Variants in SLC6A9 observed in about 807,000 individuals in gnomAD.
SLC6A9 encodes solute carrier family 6 member 9, also known as sodium- and chloride-dependent glycine transporter 1.
A neutral mutation model predicts 70.9 loss-of-function variants in SLC6A9; 31 were observed. The ratio of observed to expected loss-of-function variants is 0.44; its 90% CI spans 0.33 to 0.59. SLC6A9 has a LOEUF of 0.59. Ranked by LOEUF, SLC6A9 falls within the 20% of genes least tolerant of loss-of-function variation. The probability of loss-of-function intolerance (pLI) is 0.04; values close to 1 mark genes in which losing one functional copy is unlikely to be tolerated. For synonymous variants in SLC6A9, 310 were observed against 341.3 expected (o/e 0.91, Z 1.01); for missense variants, 631 against 845.2 (o/e 0.75, Z 3.14).
intron 2 of SLC6A9, among the ~76,000 whole-genome samples, chr1:44,014,050 T>C (rs1351436827): frequency 1.3e-5 from 2 of 152,154 alleles, no homozygotes; most frequent in Non-Finnish European, 2.9e-5. Flanking sequence ...TGACTCAGAC[T>C]GGCTGCCCGT....
rs540166721 is a variant in SLC6A9, at chr1:44,018,130, A to G, written c.30+6118T>C. Among the ~76,000 whole-genome samples, 11 of 152,274 alleles carry G rather than the reference A, an allele frequency of 7.2e-5. No homozygotes were observed. The highest frequency in any genetic ancestry group is 2.0e-4 in the Admixed American group (3 of 15,298). ...CAGGAATGTGTCAGGCCCTTTGGAA[A>G]CTGGTCAGTCAGCAGAAGGCCTGGC... is the stretch of plus-strand genomic sequence containing the variant. On this transcript the variant is annotated intron_variant, in intron 2 of 13. Transcript: ENST00000372310. This position sits in a 1 kb window ranked among gnomAD's most constrained non-coding sequence, Gnocchi z 4.2.
rs760267775 is a variant in SLC6A9, at chr1:44,017,106, T to C, written c.31-6224A>G. 11 of 1,605,524 alleles carry C rather than the reference T, an allele frequency of 6.9e-6. No homozygotes were observed. In the East Asian group the frequency reaches 2.3e-4, roughly 33 times the overall value. On this transcript the variant is annotated intron_variant, in intron 2 of 13. Coordinates refer to ENST00000372310, the MANE Select transcript of SLC6A9 (RefSeq NM_001024845.3). ...GCCGCGGCCATCCTGGGGCGAGCGA[T>C]CGCAGCCCGCGTGTCTCCGCCGCTC...
Position 44,002,665 on chromosome 1 carries a change from A to G in SLC6A9, c.724-19T>C, listed in dbSNP as rs1369221083. 6.2e-7 allele frequency: 1 copy of G among 1,613,458 alleles called. No homozygotes were observed. The highest frequency in any genetic ancestry group is 8.5e-7 in the Non-Finnish European group (1 of 1,179,474). On this transcript the variant is annotated intron_variant, in intron 6 of 13. Coordinates refer to ENST00000372310, the MANE Select transcript of SLC6A9 (RefSeq NM_001024845.3). This position sits in a 1 kb window ranked among gnomAD's most constrained non-coding sequence, Gnocchi z 5.5. ...ACACCACCTGGCACAAGAGGGCTCCATGGACTCTTCTGGGCTCTCCCCTCC... is the reference window on the plus strand; with the variant it reads ...ACACCACCTGGCACAAGAGGGCTCCGTGGACTCTTCTGGGCTCTCCCCTCC...
At chr1:44,025,740 C>T (rs1157847194) in intron 1 of SLC6A9, among the ~76,000 whole-genome samples, 1 of 150,890 alleles carries the variant, frequency 6.6e-6, no homozygotes, top group Non-Finnish European at 1.5e-5. Context: ...GCAGAGGTTG[C>T]AGTGAGCCGA....
chr1:44,018,916 T>C lies in SLC6A9; in HGVS notation c.30+5332A>G, dbSNP rs2086829669. Among the ~76,000 whole-genome samples the C allele has an allele frequency of 6.6e-6, 1 of 152,142 alleles. No individual in the cohort carries two copies. Among genetic ancestry groups the C allele is most frequent in the Non-Finnish European group, 1.5e-5 (1 of 68,020 alleles). On this transcript the variant is annotated intron_variant, in intron 2 of 13. Coordinates refer to ENST00000372310, the MANE Select transcript of SLC6A9 (RefSeq NM_001024845.3). This position sits in a 1 kb window ranked among gnomAD's most constrained non-coding sequence, Gnocchi z 4.2. ...CTGCACTCCAAACTGGGTGACAAAG[T>C]GAGACCTTGTTTCAAAAAATTAATA...
In SLC6A9 at chr1:43,997,662, G is replaced by C. The variant is rs2085919887; in HGVS notation, c.1785C>G (p.Pro595=). ...LLEHRTGRYA[P]TIAPSPEDGF... The stretch of plus-strand genomic sequence containing the variant: ...CGTCCTCAGGAGAGGGGGCTATGGT[G>C]GGGGCGTAGCGCCCTGTCCGGTGCT... Residue 595 remains proline (P), a synonymous_variant, in exon 14 of 14, where the codon CCC becomes CCG. Coordinates refer to ENST00000372310, the MANE Select transcript of SLC6A9 (RefSeq NM_001024845.3). This position sits in a 1 kb window ranked among gnomAD's most constrained non-coding sequence, Gnocchi z 4.4. The C allele has an allele frequency of 2.5e-6, 4 of 1,613,890 alleles. No individual in the cohort carries two copies. The highest frequency in any genetic ancestry group is 3.4e-6 in the Non-Finnish European group (4 of 1,179,870).
intron 12 of SLC6A9, among the ~76,000 whole-genome samples, chr1:43,999,812 C>T (rs932083081): frequency 1.2e-4 from 18 of 152,186 alleles, no homozygotes; most frequent in Admixed American, 3.9e-4. Context: ...GAACACTGGC[C>T]GGGCCACTGG....
At position 44,013,908 on chromosome 1, in the gene SLC6A9, A is replaced by G. The variant is rs946567260; in HGVS notation, c.31-3026T>C. ...TATGGCTTTTTTTCTCCCTCCTTGC[A>G]TAATCTTTCCTATTCTAAGCCTCTA... On this transcript the variant is annotated intron_variant, in intron 2 of 13. Transcript: ENST00000372310. The surrounding 1 kb of genome is among the most constrained non-coding windows in gnomAD (Gnocchi z 5.3). Among the ~76,000 whole-genome samples the G allele has an allele frequency of 6.6e-6, 1 of 151,932 alleles. No individual in the cohort carries two copies. The highest frequency in any genetic ancestry group is 1.5e-5 in the Non-Finnish European group (1 of 68,004).
intron 3 of SLC6A9, 31 bp from the exon 4 acceptor site, chr1:44,010,127 G>A (rs2154305901): frequency 1.2e-6 from 2 of 1,612,478 alleles, no homozygotes; most frequent in East Asian, 4.5e-5. Context: ...TGGCTCAGGA[G>A]TGGGCTTGGA....
At chr1:44,025,026 C>G (rs1227976700) in intron 1 of SLC6A9, among the ~76,000 whole-genome samples, 1 of 152,186 alleles carries the variant, frequency 6.6e-6, no homozygotes, top group Non-Finnish European at 1.5e-5. Flanking sequence ...GTTGCTTCCT[C>G]CTTTCTGTTT....
chr1:43,999,413 T>C (rs1317002670), intron 12 of SLC6A9, among the ~76,000 whole-genome samples: 1 of 151,794 alleles, frequency 6.6e-6, no homozygotes, highest in African/African-American at 2.4e-5. Context: ...CAGATCCTTC[T>C]TGTGCTTGTC....
Position 43,997,553 on chromosome 1 carries a change from G to C in SLC6A9, c.1894C>G (p.Arg632Gly), listed in dbSNP as rs2286246. The C allele has an allele frequency of 6.2e-7, 1 of 1,613,208 alleles. No homozygotes were observed. The highest frequency in any genetic ancestry group is 1.7e-5 in the Admixed American group (1 of 59,990). Residue 632 changes from arginine (R) to glycine (G), a missense_variant, in exon 14 of 14, where the codon CGG (arginine) becomes GGG (glycine). By Grantham distance (125) the Arg-to-Gly change is moderately radical. Transcript: ENST00000372310. The surrounding 1 kb of genome is among the most constrained non-coding windows in gnomAD (Gnocchi z 4.4). ...SNGSSRLQDS[R>G]I ...TCCCCTGGCAGCTGTGCTCATATCC[G>C]GGAGTCCTGGAGGCGGCTGGAGCCA...
intron 5 of SLC6A9, among the ~76,000 whole-genome samples, chr1:44,006,123 A>C (rs1322075341): frequency 6.6e-6 from 1 of 152,178 alleles, no homozygotes; most frequent in Non-Finnish European, 1.5e-5. Context: ...AGAAAGGTTC[A>C]TCACCCCAGA....
At chr1:44,020,345 G>A (rs898076499) in intron 2 of SLC6A9, among the ~76,000 whole-genome samples, 4 of 152,184 alleles carry the variant, frequency 2.6e-5, no homozygotes, top group South Asian at 2.1e-4. Flanking sequence ...TCAGCCCCAG[G>A]TGGGGAGCCC....
intron 1 of SLC6A9, among the ~76,000 whole-genome samples, chr1:44,027,520 C>T (rs946815577): frequency 4.6e-5 from 7 of 152,144 alleles, no homozygotes; most frequent in Non-Finnish European, 1.0e-4. Context: ...GCTTAGCAGG[C>T]GTTTAAGGCT....
rs566947827 is a variant in SLC6A9, at chr1:44,003,931, G to A, written c.591-946C>T. Among the ~76,000 whole-genome samples, 24 of 152,044 alleles carry A rather than the reference G, an allele frequency of 1.6e-4. 1 individual carries two copies. Among genetic ancestry groups the A allele is most frequent in the Non-Finnish European group, 3.2e-4 (22 of 68,016 alleles). ...GCATCTCCCCAGCCCTCAGGGAAGA[G>A]GGCAAAGAACAACTGCTCTACCTCC... On this transcript the variant is annotated intron_variant, in intron 5 of 13. Transcript: ENST00000372310.
chr1:44,025,412 G>A (rs1190143868), intron 1 of SLC6A9, among the ~76,000 whole-genome samples: 2 of 151,762 alleles, frequency 1.3e-5, no homozygotes, highest in South Asian at 2.1e-4. Context: ...GACAGGCCTC[G>A]GGAGAAATCC....
At position 44,018,155 on chromosome 1, in the gene SLC6A9, C is replaced by A. The variant is rs1330881871; in HGVS notation, c.30+6093G>T. On this transcript the variant is annotated intron_variant, in intron 2 of 13. Transcript: ENST00000372310. This position sits in a 1 kb window ranked among gnomAD's most constrained non-coding sequence, Gnocchi z 4.2. Reference sequence around the variant, plus strand: ...ACTGGTCAGTCAGCAGAAGGCCTGGCTTACCACAGGACCTCAGGAAATATC... The same window carrying A: ...ACTGGTCAGTCAGCAGAAGGCCTGGATTACCACAGGACCTCAGGAAATATC... Among the ~76,000 whole-genome samples the A allele has an allele frequency of 6.6e-6, 1 of 152,190 alleles. No individual in the cohort carries two copies. The highest frequency in any genetic ancestry group is 1.5e-5 in the Non-Finnish European group (1 of 68,036).
chr1:44,002,446 T>C lies in SLC6A9; in HGVS notation c.859-30A>G. 1 of 1,612,858 alleles carries C rather than the reference T, an allele frequency of 6.2e-7. No homozygotes were observed. Among genetic ancestry groups the C allele is most frequent in the Non-Finnish European group, 8.5e-7 (1 of 1,178,912 alleles). On this transcript the variant is annotated intron_variant, in intron 7 of 13. Coordinates refer to ENST00000372310, the MANE Select transcript of SLC6A9 (RefSeq NM_001024845.3). This position sits in a 1 kb window ranked among gnomAD's most constrained non-coding sequence, Gnocchi z 5.5. ...AGGGAAGGACCGGTGGGTGAGGAGC[T>C]GTGGGCAGAGGCAGGCACCTCCCTG...
Sources: allele counts gnomAD v4.1 joint callset (sites outside exome capture counted in the v4.1 genomes callset), GRCh38; gene constraint gnomAD v4.1.1; non-coding constraint Gnocchi (gnomAD v3.1); transcripts MANE v1.5; gene names NCBI Gene and HGNC (gene_info 2026-07-23, HGNC 2026-07-21).